Variants in MPDZ observed in about 807,000 individuals in gnomAD.
MPDZ encodes multiple PDZ domain crumbs cell polarity complex component.
A neutral mutation model predicts 239.1 loss-of-function variants in MPDZ; 234 were observed. That is an observed-to-expected ratio of 0.98 (90% CI 0.88 to 1.09). The LOEUF (loss-of-function observed/expected upper bound fraction) is 1.09, where lower values mean the gene tolerates loss of function less well. Among genes scored for constraint, MPDZ ranks in the 50% least tolerant of loss-of-function variants. MPDZ has a pLI of 0.00. For missense variants in MPDZ, 3,175 were observed against 2,510.0 expected, an observed-to-expected ratio of 1.26 and a Z score of -5.66; for synonymous variants, 1,048 against 881.3, an observed-to-expected ratio of 1.19 and a Z score of -3.35.
chr9:13,168,183 G>A (rs1951317547), intron 22 of MPDZ, among the ~76,000 whole-genome samples, 183 bp downstream of exon 22: 1 of 151,976 alleles, frequency 6.6e-6, no homozygotes, highest in Non-Finnish European at 1.5e-5. Context: ...TACTGATATA[G>A]TCTCAAAGAA....
chr9:13,247,905 G>T, intron 2 of MPDZ, 104 bp from the exon 3 acceptor site: 2 of 1,084,740 alleles, frequency 1.8e-6, no homozygotes, highest in Non-Finnish European at 2.6e-6. Flanking sequence ...TCTATTGAGT[G>T]CATAAAATTG....
At chr9:13,215,191 C>A (rs1007451648) in intron 10 of MPDZ, among the ~76,000 whole-genome samples, 1 of 151,828 alleles carries the variant, frequency 6.6e-6, no homozygotes, top group African/African-American at 2.4e-5. Context: ...ATTTTAGATA[C>A]TTCATATCAG....
chr9:13,219,489 A>C lies in MPDZ; in HGVS notation c.1086+70T>G. Reference sequence around the variant, plus strand: ...GGAACATTAGTAAGTCTAGTTTCTAAGTAAACATCACTGTCGTCATCTAAG... The same window carrying C: ...GGAACATTAGTAAGTCTAGTTTCTACGTAAACATCACTGTCGTCATCTAAG... On this transcript the variant is annotated intron_variant, in intron 8 of 46. Coordinates refer to ENST00000319217, the MANE Select transcript of MPDZ (RefSeq NM_001378778.1). The C allele has an allele frequency of 2.9e-6, 4 of 1,370,476 alleles. No individual in the cohort carries two copies. The South Asian group carries it at 4.0e-5, about 14-fold the overall frequency. The allele number at this position is 1,370,476 out of a possible 1,614,324, so 84.9% of individuals were successfully genotyped here.
Position 13,113,006 on chromosome 9 carries a change from G to C in MPDZ, c.5601+5C>G, listed in dbSNP as rs1370779643. 3.2e-6 allele frequency: 5 copies of C among 1,582,088 alleles called. No homozygotes were observed. In the Admixed American group the frequency reaches 9.0e-5, roughly 28 times the overall value. On this transcript the variant is annotated splice_donor_5th_base_variant and intron_variant, in intron 42 of 46. Transcript: ENST00000319217. ...GGTTTATATTGTTTTCTCTCCCCAA[G>C]TTACCTTTTTCATTTCGACTGTTCT...
In MPDZ at chr9:13,110,680, C is replaced by G. The variant is rs1230306436; in HGVS notation, c.5785G>C (p.Ala1929Pro). The G allele has an allele frequency of 6.2e-7, 1 of 1,613,790 alleles. No individual in the cohort carries two copies. Among genetic ancestry groups the G allele is most frequent in the Non-Finnish European group, 8.5e-7 (1 of 1,179,814 alleles). ...GATGCATTTTTCAGTAGGTTAACTG[C>G]TTGGGTGTGAGTCATGCCCTCAGTG... ...TSTEGMTHTQ[A>P]VNLLKNASGS... Residue 1929 changes from alanine to proline, a missense_variant, in exon 44 of 47, where the codon GCA becomes CCA. Coordinates refer to ENST00000319217, the MANE Select transcript of MPDZ (RefSeq NM_001378778.1).
In MPDZ at chr9:13,150,700, A is replaced by G; in HGVS notation, c.3453-12T>C. 1.5e-6 allele frequency: 2 copies of G among 1,323,150 alleles called. No homozygotes were observed. The highest frequency in any genetic ancestry group is 1.9e-6 in the Non-Finnish European group (2 of 1,027,894). The allele number at this position is 1,323,150 out of a possible 1,614,324, so 82.0% of individuals were successfully genotyped here. On this transcript the variant is annotated splice_polypyrimidine_tract_variant and intron_variant, in intron 24 of 46. Coordinates refer to ENST00000319217, the MANE Select transcript of MPDZ (RefSeq NM_001378778.1). Reference sequence around the variant, plus strand: ...TCCAGAGTTCCACCCTAAAAAATAAATAAAATTTTCAACTCTTAGGAAAAA... The same window carrying G: ...TCCAGAGTTCCACCCTAAAAAATAAGTAAAATTTTCAACTCTTAGGAAAAA...
At chr9:13,226,637 T>C (rs540710018) in intron 3 of MPDZ, among the ~76,000 whole-genome samples, 1 of 152,234 alleles carries the variant, frequency 6.6e-6, no homozygotes, top group East Asian at 1.9e-4. Flanking sequence ...AGCACCATTA[T>C]ACTCCACGAA....
At chr9:13,279,132 G>C (rs1409072494) in intron 1 of MPDZ, 2 of 151,652 alleles carry the variant, frequency 1.3e-5, no homozygotes, top group African/African-American at 2.4e-5. Context: ...GAGTAGCAAA[G>C]GAAACTTCTA....
At position 13,170,524 on chromosome 9, in the gene MPDZ, T is replaced by C. The variant is rs530063092; in HGVS notation, c.3056-1960A>G. 9.2e-5 allele frequency among the ~76,000 whole-genome samples: 14 copies of C among 152,300 alleles called. No homozygotes were observed. In the East Asian group the frequency reaches 2.5e-3, roughly 27 times the overall value. On this transcript the variant is annotated intron_variant, in intron 21 of 46. Transcript: ENST00000319217. ...CTGAAATTTTTCAAAAGGTACTCCA[T>C]TTTGTACTGTTAAAGCCAGCCTTCC...
At chr9:13,171,193 T>C (rs1381204470) in intron 21 of MPDZ, among the ~76,000 whole-genome samples, 1 of 152,150 alleles carries the variant, frequency 6.6e-6, no homozygotes, top group African/African-American at 2.4e-5. Context: ...ACACAAAGTG[T>C]ACGACAAAAT....
chr9:13,202,330 G>T (rs555789040), intron 12 of MPDZ, among the ~76,000 whole-genome samples: 31 of 152,296 alleles, frequency 2.0e-4, no homozygotes, highest in African/African-American at 7.0e-4. Context: ...GCCTGGGGAA[G>T]ATTTAAGCTG....
chr9:13,197,827 T>A (rs1420829811), intron 12 of MPDZ, among the ~76,000 whole-genome samples: 1 of 152,058 alleles, frequency 6.6e-6, no homozygotes, highest in Non-Finnish European at 1.5e-5. Flanking sequence ...AGCGCCCACT[T>A]ATAAGTGAGA....
At chr9:13,241,583 T>C (rs989131564) in intron 3 of MPDZ, among the ~76,000 whole-genome samples, 5 of 152,162 alleles carry the variant, frequency 3.3e-5, no homozygotes, top group Non-Finnish European at 7.3e-5. Flanking sequence ...GGGTCATTTT[T>C]AGTTTGTTAT....
At chr9:13,114,738 A>T (rs555029880) in intron 40 of MPDZ, among the ~76,000 whole-genome samples, 1 of 152,034 alleles carries the variant, frequency 6.6e-6, no homozygotes, top group Admixed American at 6.5e-5. Context: ...CATCTCTAAT[A>T]AAAATACAAA....
Position 13,133,879 on chromosome 9 carries a change from TCAGAAGTAGTAA to T in MPDZ, c.4397_4408del (p.Val1466_Ser1469del). On this transcript the variant is annotated inframe_deletion, in exon 32 of 47. Transcript: ENST00000319217. ...AAATGAACTGAGGTCCACAGCTGCA[TCAGAAGTAGTAA>T]CAGTTGGCTCTGTCTGACAGAGGGA... 1 of 1,595,354 alleles carries T rather than the reference TCAGAAGTAGTAA, an allele frequency of 6.3e-7. No individual in the cohort carries two copies. Among genetic ancestry groups the T allele is most frequent in the Non-Finnish European group, 8.6e-7 (1 of 1,169,368 alleles).
Position 13,118,991 on chromosome 9 carries a change from G to C in MPDZ, c.5379+511C>G, listed in dbSNP as rs58076458. On this transcript the variant is annotated intron_variant, in intron 39 of 46. Coordinates refer to ENST00000319217, the MANE Select transcript of MPDZ (RefSeq NM_001378778.1). ...GCATAAGGATGACAGATCTGCTTCT[G>C]ATTTTAAATGTCAACTTCAAATAGT... 1.6e-3 allele frequency among the ~76,000 whole-genome samples: 245 copies of C among 152,248 alleles called. 2 individuals are homozygous for C. The highest frequency in any genetic ancestry group is 5.7e-3 in the African/African-American group (236 of 41,562).
At chr9:13,129,227 C>G (rs1587022586) in intron 32 of MPDZ, among the ~76,000 whole-genome samples, 1 of 152,210 alleles carries the variant, frequency 6.6e-6, no homozygotes, top group East Asian at 1.9e-4. Context: ...CTTTGGGAGG[C>G]TGAGGCAGGT....
At chr9:13,190,004 C>CT (rs1377826079) in intron 16 of MPDZ, 110 bp downstream of exon 16, 18 of 935,048 alleles carry the variant, frequency 1.9e-5, no homozygotes, top group Non-Finnish European at 2.6e-5. Context: ...TTTTGAAAGA[C>CT]TGACTAGAAA....
At chr9:13,136,320 G>GTTTTTTTTTTTTTTGT (rs1444109820) in intron 30 of MPDZ, 138 bp from the exon 31 acceptor site, 1 of 192,916 alleles carries the variant, frequency 5.2e-6, no homozygotes, top group Non-Finnish European at 8.3e-6. Flanking sequence ...ATTTACAAAC[G>GTTTTTTTTTTTTTTGT]TTTTCTTTTT....
Sources: gnomAD v4.1 joint callset for allele counts (sites outside exome capture counted in the v4.1 genomes callset) on GRCh38, gnomAD v4.1.1 for gene constraint, MANE v1.5 for transcripts, NCBI Gene and HGNC (gene_info 2026-07-23, HGNC 2026-07-21) for gene names.